LPAR6: variants seen among roughly 807,000 people sequenced by gnomAD.
LPAR6 encodes G-protein coupled purinergic receptor P2Y5.
Under a neutral mutation model 22.0 loss-of-function variants are expected in LPAR6, and 17 were observed. That is an observed-to-expected ratio of 0.77 (90% CI 0.53 to 1.16). LPAR6 has a LOEUF of 1.16. LPAR6 is among the 50% of genes most tolerant of loss of function. The probability of loss-of-function intolerance (pLI) is 0.00; values close to 1 mark genes in which losing one functional copy is unlikely to be tolerated. For missense variants in LPAR6, 384 were observed against 406.9 expected (o/e 0.94, Z 0.48); for synonymous variants, 136 against 139.8 (o/e 0.97, Z 0.19).
chr13:48,426,653 A>G (rs928066379), intron 1 of LPAR6: 1 of 152,242 alleles, frequency 6.6e-6, no homozygotes, highest in Non-Finnish European at 1.5e-5. Flanking sequence ...AGTACAACTT[A>G]GGAAACTAAA....
intron 2 of LPAR6, among the ~76,000 whole-genome samples, chr13:48,419,920 C>G (rs1190654158): frequency 6.6e-6 from 1 of 152,138 alleles, no homozygotes; most frequent in Non-Finnish European, 1.5e-5. Flanking sequence ...AAAAAAATCC[C>G]AGGAGCAGAT....
chr13:48,407,088 A>G (rs1353436669), downstream of LPAR6, among the ~76,000 whole-genome samples: 2 of 152,220 alleles, frequency 1.3e-5, no homozygotes, highest in African/African-American at 2.4e-5. Flanking sequence ...ACGATAATGG[A>G]ACCTAGCACA....
At chr13:48,440,663 C>A (rs1212200056) in intron 1 of LPAR6, among the ~76,000 whole-genome samples, 1 of 151,988 alleles carries the variant, frequency 6.6e-6, no homozygotes, top group Non-Finnish European at 1.5e-5. Context: ...TTGTTTTAAC[C>A]AAGAAGAACT....
At chr13:48,417,231 C>G (rs966277407), upstream of LPAR6, 2 of 153,238 alleles carry the variant, frequency 1.3e-5, no homozygotes, top group African/African-American at 2.4e-5. Context: ...GAGGAAGGAA[C>G]AGGCAGCAAT....
chr13:48,425,810 A>C (rs967150456), intron 1 of LPAR6, among the ~76,000 whole-genome samples: 1 of 152,214 alleles, frequency 6.6e-6, no homozygotes, highest in Admixed American at 6.5e-5. Context: ...TTTCTATCTA[A>C]TTCAGTCTCC....
In LPAR6 at chr13:48,412,690, T is replaced by C. The variant is rs756842552; in HGVS notation, c.-267A>G. On this transcript the variant is annotated 5_prime_UTR_variant, in exon 1 of 1. Transcript: ENST00000620633. ...CCATGAATTCCAAGGCTCAGTTAAC[T>C]GACGAGCAACCTTTAAAAAATACAG... The C allele has an allele frequency of 1.8e-4, 92 of 501,510 alleles. No individual in the cohort carries two copies. Among genetic ancestry groups the C allele is most frequent in the Non-Finnish European group, 3.0e-4 (81 of 268,860 alleles). 31.1% of individuals were successfully genotyped at this position (501,510 alleles called of 1,614,324 possible).
Position 48,412,446 on chromosome 13 carries a change from A to T in LPAR6, c.-23T>A. 5 of 1,562,410 alleles carry T rather than the reference A, an allele frequency of 3.2e-6. No homozygotes were observed. Among genetic ancestry groups the T allele is most frequent in the Non-Finnish European group, 4.4e-6 (5 of 1,132,952 alleles). On this transcript the variant is annotated 5_prime_UTR_variant, in exon 1 of 1. The change abolishes the stop of an existing upstream ORF in the 5' untranslated region. Coordinates refer to ENST00000620633, the MANE Select transcript of LPAR6 (RefSeq NM_001162498.3). ...CATCGTAAAGGCACGTCCAATTTTC[A>T]GTTTGGAAGCACTTTCATCAGCTGC...
intron 1 of LPAR6, among the ~76,000 whole-genome samples, chr13:48,397,819 A>C (rs1329482839): frequency 6.6e-6 from 1 of 152,152 alleles, no homozygotes; most frequent in Non-Finnish European, 1.5e-5. Flanking sequence ...TTGAAATGTC[A>C]AAATTGATGG....
At chr13:48,431,296 AT>A (rs1319148243), upstream of LPAR6, among the ~76,000 whole-genome samples, 1 of 152,164 alleles carries the variant, frequency 6.6e-6, no homozygotes, top group Non-Finnish European at 1.5e-5. Context: ...ATGACTATAC[AT>A]TTGATTAGAC....
intron 2 of LPAR6, among the ~76,000 whole-genome samples, chr13:48,419,814 T>C (rs1948976887): frequency 6.6e-6 from 1 of 152,136 alleles, no homozygotes; most frequent in Non-Finnish European, 1.5e-5. Context: ...CCTGGACACA[T>C]ACACCCTCCC....
upstream of LPAR6, among the ~76,000 whole-genome samples, chr13:48,427,248 T>C (rs868421934): frequency 8.2e-3 from 354 of 43,258 alleles, 14 homozygotes; most frequent in African/African-American, 0.035. Flanking sequence ...ACCTCCAGCA[T>C]TGGGGAGCAC....
At chr13:48,421,066 A>T (rs1306728277) in intron 2 of LPAR6, among the ~76,000 whole-genome samples, 22 of 152,102 alleles carry the variant, frequency 1.4e-4, no homozygotes, top group Non-Finnish European at 5.9e-5. Flanking sequence ...AAAAAAGCCC[A>T]TATAGCCAAG....
At chr13:48,429,436 C>G (rs61948665), upstream of LPAR6, 1 of 152,156 alleles carries the variant, frequency 6.6e-6, no homozygotes, top group Non-Finnish European at 1.5e-5. Flanking sequence ...CCAGGTTGCC[C>G]AAGGAGGGGC....
intron 1 of LPAR6, chr13:48,389,835 T>A (rs1948598213): frequency 1.3e-5 from 2 of 152,216 alleles, no homozygotes; most frequent in African/African-American, 4.8e-5. Context: ...GATAGGAGAT[T>A]CATAGTGAAA....
chr13:48,438,797 T>G (rs1192873582), intron 1 of LPAR6, among the ~76,000 whole-genome samples: 1 of 152,222 alleles, frequency 6.6e-6, no homozygotes, highest in Non-Finnish European at 1.5e-5. Flanking sequence ...TGGCATTCAA[T>G]AAATGTTATC....
rs537301699 is a variant in LPAR6, at chr13:48,413,090, T to C, written c.-667A>G. 13 of 167,278 alleles carry C rather than the reference T, an allele frequency of 7.8e-5. No homozygotes were observed. Among genetic ancestry groups the C allele is most frequent in the Admixed American group, 3.3e-4 (5 of 15,300 alleles). 10.4% of individuals were successfully genotyped at this position (167,278 alleles called of 1,614,324 possible). ...TTGAGGCCTTTTCCTCAGTTGCCAG[T>C]TGTATCTTGAGGTCGCTTTCTCTGA... On this transcript the variant is annotated 5_prime_UTR_variant, in exon 1 of 1. Coordinates refer to ENST00000620633, the MANE Select transcript of LPAR6 (RefSeq NM_001162498.3).
At chr13:48,418,619 A>T (rs1285471603) in intron 2 of LPAR6, among the ~76,000 whole-genome samples, 1 of 151,880 alleles carries the variant, frequency 6.6e-6, no homozygotes, top group East Asian at 1.9e-4. Context: ...AAGACCCATC[A>T]GTGTGCTGTA....
upstream of LPAR6, among the ~76,000 whole-genome samples, chr13:48,427,192 G>C (rs1442902699): frequency 7.8e-6 from 1 of 128,736 alleles, no homozygotes; most frequent in African/African-American, 3.0e-5. Context: ...CTCACCTCCA[G>C]CATTGGGGAG....
chr13:48,422,114 A>T (rs183307955), intron 2 of LPAR6, among the ~76,000 whole-genome samples: 2 of 152,284 alleles, frequency 1.3e-5, no homozygotes, highest in African/African-American at 4.8e-5. Flanking sequence ...CTTGGAACCC[A>T]CCCAAATGCG....
Sources: allele counts gnomAD v4.1 joint callset (sites outside exome capture counted in the v4.1 genomes callset), GRCh38; gene constraint gnomAD v4.1.1; transcripts MANE v1.5; gene names NCBI Gene and HGNC (gene_info 2026-07-23, HGNC 2026-07-21).